Variants in MROH1 observed in about 807,000 individuals in gnomAD.
MROH1 encodes maestro heat like repeat family member 1.
A neutral mutation model predicts 116.5 loss-of-function variants in MROH1; 117 were observed. The observed-to-expected ratio is 1.00, with a 90% CI of 0.86 to 1.17. The LOEUF is 1.17. Ranked by LOEUF, MROH1 falls within the 50% of genes most tolerant of loss-of-function variation. The pLI is 0.00. For missense variants in MROH1, 1,873 were observed against 1,338.5 expected, an observed-to-expected ratio of 1.40 and a Z score of -6.23; for synonymous variants, 921 against 583.9, an observed-to-expected ratio of 1.58 and a Z score of -8.32.
intron 1 of MROH1, among the ~76,000 whole-genome samples, chr8:144,153,041 C>T (rs1426433746): frequency 2.0e-5 from 3 of 152,286 alleles, no homozygotes; most frequent in South Asian, 4.2e-4. Context: ...CTGCCAGCCC[C>T]GGTAACCACC....
rs964089247 is a variant in MROH1 at position 144,241,180 on chromosome 8, C to G, written c.2055+69C>G. ...GGAGGACGGTGGCACCTGCTGTTCT[C>G]TGAGGCAGCTGGCTAGCCTGTGTGC... On this transcript the variant is annotated intron_variant, in intron 21 of 43. Coordinates refer to ENST00000326134, the MANE Select transcript of MROH1 (RefSeq NM_032450.3). 3.7e-3 allele frequency: 2,626 copies of G among 713,162 alleles called. 9 individuals are homozygous for G. Among genetic ancestry groups the G allele is most frequent in the Non-Finnish European group, 5.6e-3 (2,152 of 384,444 alleles). 44.2% of individuals were successfully genotyped at this position (713,162 alleles called of 1,614,324 possible).
chr8:144,159,103 A>G (rs1226823284), intron 1 of MROH1, among the ~76,000 whole-genome samples: 1 of 152,108 alleles, frequency 6.6e-6, no homozygotes, highest in African/African-American at 2.4e-5. Context: ...CACGCCTGTA[A>G]TCCCAGCACT....
chr8:144,227,954 AAAAAG>A (rs1445214818), intron 14 of MROH1, among the ~76,000 whole-genome samples: 1 of 151,716 alleles, frequency 6.6e-6, no homozygotes, highest in Non-Finnish European at 1.5e-5. Flanking sequence ...CCCTACCTGA[AAAAAG>A]AAAACAGAAT....
rs1222472217 is a variant in MROH1 at position 144,192,685 on chromosome 8, AAGGTC to A, written c.948+287_948+291del. On this transcript the variant is annotated intron_variant, in intron 10 of 43. Coordinates refer to ENST00000326134, the MANE Select transcript of MROH1 (RefSeq NM_032450.3). ...GGCCCAGTACAGGTGGTCCCAGAGA[AAGGTC>A]AGCGCAGCTGAAGTGCCAGCTGGGG... is the stretch of plus-strand genomic sequence containing the variant. 1.3e-5 allele frequency: 8 copies of A among 598,374 alleles called. No homozygotes were observed. The African/African-American group carries it at 1.5e-4, about 11-fold the overall frequency. The allele number at this position is 598,374 out of a possible 1,614,324, so 37.1% of individuals were successfully genotyped here.
intron 9 of MROH1, among the ~76,000 whole-genome samples, chr8:144,192,072 C>T (rs1828753164): frequency 6.6e-6 from 1 of 152,166 alleles, no homozygotes; most frequent in African/African-American, 2.4e-5. Flanking sequence ...GAACCTGGGC[C>T]TCTTGGTCCA....
intron 36 of MROH1, 145 bp downstream of exon 36, chr8:144,259,059 G>A (rs1844471259): frequency 3.1e-6 from 2 of 652,352 alleles, no homozygotes; most frequent in Admixed American, 2.2e-5. Flanking sequence ...TCTGGGGCAG[G>A]GGTAGGGAGG....
chr8:144,194,317 C>T (rs1217161538), intron 10 of MROH1, among the ~76,000 whole-genome samples: 3 of 152,188 alleles, frequency 2.0e-5, no homozygotes, highest in Admixed American at 2.0e-4. Flanking sequence ...CCTGCTTCAG[C>T]CTCCCAAAGT....
At chr8:144,259,153 C>G (rs1447492898) in intron 36 of MROH1, 87 bp from the exon 37 acceptor site, 9 of 697,844 alleles carry the variant, frequency 1.3e-5, no homozygotes, top group Non-Finnish European at 1.8e-5. Context: ...GGCGGTGGAG[C>G]GGACCAGGGC....
rs577889407 is a variant in MROH1 at position 144,164,147 on chromosome 8, G to C, written c.22+299G>C. ...CGGCTGGGCACAGTGGCTCACGCCTGTAATCCCAGCACTTTGGGAGGCCAA... is the reference window on the plus strand; with the variant it reads ...CGGCTGGGCACAGTGGCTCACGCCTCTAATCCCAGCACTTTGGGAGGCCAA... On this transcript the variant is annotated intron_variant, in intron 3 of 43. Coordinates refer to ENST00000326134, the MANE Select transcript of MROH1 (RefSeq NM_032450.3). Among the ~76,000 whole-genome samples the C allele has an allele frequency of 1.9e-3, 286 of 147,022 alleles. 1 individual carries two copies. The highest frequency in any genetic ancestry group is 3.5e-3 in the Middle Eastern group (1 of 284).
chr8:144,260,735 G>T lies in MROH1; in HGVS notation c.4439G>T (p.Cys1480Phe). 1.3e-6 allele frequency: 1 copy of T among 779,552 alleles called. No homozygotes were observed. 48.3% of individuals were successfully genotyped at this position (779,552 alleles called of 1,614,324 possible). ...CTCTTTGGGCACCTTAACAAGGTCT[G>T]CCACGGAGACTGTGAGGACGTCTTC... ...IRLFGHLNKV[C>F]HGDCEDVFLD... The change falls in exon 40 of 44, where the codon TGC becomes TTC. Residue 1480 changes from cysteine (C) to phenylalanine (F), a missense_variant. Cys to Phe is a radical substitution (Grantham distance 205, BLOSUM62 -2). Coordinates refer to ENST00000326134, the MANE Select transcript of MROH1 (RefSeq NM_032450.3).
chr8:144,248,275 T>C (rs1253836196), intron 31 of MROH1, among the ~76,000 whole-genome samples: 2 of 152,146 alleles, frequency 1.3e-5, no homozygotes, highest in African/African-American at 4.8e-5. Flanking sequence ...AACACAAGCT[T>C]GAGTATTATT....
intron 4 of MROH1, among the ~76,000 whole-genome samples, chr8:144,179,167 C>T (rs1382724391): frequency 1.3e-5 from 2 of 151,938 alleles, no homozygotes; most frequent in Non-Finnish European, 2.9e-5. Flanking sequence ...TGTCATGTGA[C>T]TGGGAGACCC....
chr8:144,153,851 C>T (rs1817425026), intron 1 of MROH1, among the ~76,000 whole-genome samples: 1 of 152,098 alleles, frequency 6.6e-6, no homozygotes, highest in Admixed American at 6.6e-5. Context: ...ACCTCTTCCT[C>T]CTGGGTTCAA....
intron 14 of MROH1, among the ~76,000 whole-genome samples, chr8:144,234,891 C>CTT (rs781998549): frequency 0.39 from 40,143 of 103,264 alleles, 9,632 homozygotes; most frequent in East Asian, 0.67. Context: ...CTTTTTCTTT[C>CTT]TTTTTTTTTT....
chr8:144,148,342 G>A (rs1262325709), intron 1 of MROH1, among the ~76,000 whole-genome samples: 6 of 152,152 alleles, frequency 3.9e-5, no homozygotes, highest in African/African-American at 1.4e-4. Context: ...AGTCGTCTCG[G>A]CCGCGCGACC....
intron 33 of MROH1, among the ~76,000 whole-genome samples, chr8:144,253,809 A>G (rs1254763529): frequency 6.6e-6 from 1 of 152,046 alleles, no homozygotes; most frequent in Non-Finnish European, 1.5e-5. Context: ...GAGTTTGCTC[A>G]GGTGTGTGAC....
At chr8:144,155,962 G>A (rs1817948199) in intron 1 of MROH1, among the ~76,000 whole-genome samples, 1 of 151,740 alleles carries the variant, frequency 6.6e-6, no homozygotes, top group South Asian at 2.1e-4. Context: ...GTTGAGGCCG[G>A]GCGCGGTGGC....
At chr8:144,232,194 A>C (rs1588375123) in intron 14 of MROH1, among the ~76,000 whole-genome samples, 1 of 151,594 alleles carries the variant, frequency 6.6e-6, no homozygotes, top group Non-Finnish European at 1.5e-5. Flanking sequence ...CTCTCTTCAT[A>C]CCCCCACCTT....
chr8:144,244,207 T>C lies in MROH1; in HGVS notation c.2556-15T>C. ...CCTTAGGATCATTGTCTGGGGCCCT[T>C]AACTTGCCTCTCAGCTCCGTGGAGC... On this transcript the variant is annotated splice_polypyrimidine_tract_variant and intron_variant, in intron 26 of 43. Coordinates refer to ENST00000326134, the MANE Select transcript of MROH1 (RefSeq NM_032450.3). 1.4e-6 allele frequency: 1 copy of C among 716,862 alleles called. No individual in the cohort carries two copies. The highest frequency in any genetic ancestry group is 1.5e-5 in the South Asian group (1 of 67,544). 44.4% of individuals were successfully genotyped at this position (716,862 alleles called of 1,614,324 possible). A position where few individuals can be genotyped will look rare whatever the true frequency, so the allele number is the denominator to read the frequency against.
Sources: gnomAD v4.1 joint callset for allele counts (sites outside exome capture counted in the v4.1 genomes callset) on GRCh38, gnomAD v4.1.1 for gene constraint, MANE v1.5 for transcripts, NCBI Gene and HGNC (gene_info 2026-07-23, HGNC 2026-07-21) for gene names.